The following MAP2 variants were observed in gnomAD, a reference collection of about 807,000 sequenced individuals.
MAP2 encodes microtubule-associated protein 2.
A neutral mutation model predicts 137.6 loss-of-function variants in MAP2; 14 were observed. That is an observed-to-expected ratio of 0.10 (90% confidence interval 0.07 to 0.16). MAP2 has a LOEUF of 0.16. MAP2 is among the 10% of genes least tolerant of loss of function. The probability of loss-of-function intolerance (pLI) is 1.00; values close to 1 mark genes in which losing one functional copy is unlikely to be tolerated. For synonymous variants in MAP2, 786 were observed against 782.3 expected (o/e 1.00, Z -0.08); for missense variants, 2,088 against 2,191.5 (o/e 0.95, Z 0.94).
intron 2 of MAP2, among the ~76,000 whole-genome samples, chr2:209,533,398 G>A (rs903882058): frequency 3.9e-5 from 6 of 152,174 alleles, no homozygotes; most frequent in Non-Finnish European, 8.8e-5. Context: ...GCCTGCCTTG[G>A]CCTCCCAAAA....
chr2:209,491,921 G>A (rs890622773), intron 1 of MAP2, among the ~76,000 whole-genome samples: 6 of 152,148 alleles, frequency 3.9e-5, no homozygotes, highest in African/African-American at 1.4e-4. Flanking sequence ...TAAAAAAAGA[G>A]GGACTCCTCA....
intron 1 of MAP2, among the ~76,000 whole-genome samples, chr2:209,435,735 A>C (rs1695764708): frequency 6.6e-6 from 1 of 151,172 alleles, no homozygotes; most frequent in African/African-American, 2.4e-5. Context: ...AGAGTGGGAA[A>C]CTAAGGTACT....
chr2:209,571,869 C>A (rs2074449969), intron 2 of MAP2, among the ~76,000 whole-genome samples: 1 of 151,886 alleles, frequency 6.6e-6, no homozygotes, highest in Non-Finnish European at 1.5e-5. Flanking sequence ...AATAACCTGT[C>A]TTTCTTTCTC....
chr2:209,450,837 AT>A (rs1398769907), intron 1 of MAP2, among the ~76,000 whole-genome samples: 1 of 152,186 alleles, frequency 6.6e-6, no homozygotes, highest in East Asian at 1.9e-4. Flanking sequence ...GCTTATTAAA[AT>A]GGGCAGTATA....
At chr2:209,661,816 A>G (rs1419490454) in intron 5 of MAP2, 3 of 297,432 alleles carry the variant, frequency 1.0e-5, no homozygotes, top group East Asian at 1.7e-4. Context: ...GCTAGCTTAT[A>G]TGGATATTAT....
chr2:209,565,329 C>T (rs2073143356), intron 2 of MAP2, among the ~76,000 whole-genome samples: 1 of 151,904 alleles, frequency 6.6e-6, no homozygotes, highest in Non-Finnish European at 1.5e-5. Flanking sequence ...GCAATCCTTT[C>T]ACCTCAGCCT....
At chr2:209,723,336 A>G (rs568714228) in intron 13 of MAP2, among the ~76,000 whole-genome samples, 3 of 152,330 alleles carry the variant, frequency 2.0e-5, no homozygotes, top group East Asian at 3.9e-4. Context: ...TTTTCAATCC[A>G]TATAACTGTT....
chr2:209,709,021 C>G (rs1254101697), intron 12 of MAP2, among the ~76,000 whole-genome samples: 10 of 152,012 alleles, frequency 6.6e-5, no homozygotes, highest in Non-Finnish European at 1.0e-4. Context: ...AAATGTCATT[C>G]AAAGCACATT....
chr2:209,638,504 C>T lies in MAP2; in HGVS notation c.-30+13375C>T, dbSNP rs76728482. ...AAAAAAAGAAAGAAGAGAAATGACT[C>T]TGCTTTATATGACTCATACGTTACT... On this transcript the variant is annotated intron_variant, in intron 4 of 15. Coordinates refer to ENST00000682079, the MANE Select transcript of MAP2 (RefSeq NM_001375505.1). Among the ~76,000 whole-genome samples, 190 of 152,226 alleles carry T rather than the reference C, an allele frequency of 1.2e-3. 2 individuals are homozygous for T. The East Asian group carries it at 0.028, about 23-fold the overall frequency.
In MAP2 at chr2:209,730,313, T is replaced by A. The variant is rs746171644; in HGVS notation, c.5400T>A (p.Ser1800=). The A allele has an allele frequency of 1.2e-5, 20 of 1,614,012 alleles. No individual in the cohort carries two copies. The change falls in exon 16 of 16, where the codon TCT becomes TCA. Residue 1800 remains serine, a synonymous_variant. Transcript: ENST00000682079. Reference sequence around the variant, plus strand: ...GACGACTCAGCAATGTCTCCTCGTCTGGAAGCATCAACCTGCTCGAATCTC... The same window carrying A: ...GACGACTCAGCAATGTCTCCTCGTCAGGAAGCATCAACCTGCTCGAATCTC... ...SPRRLSNVSS[S]GSINLLESPQ...
intron 2 of MAP2, among the ~76,000 whole-genome samples, chr2:209,520,053 A>T (rs1324963684): frequency 2.6e-5 from 4 of 152,070 alleles, no homozygotes; most frequent in African/African-American, 9.7e-5. Context: ...AAACTGCTCA[A>T]CTACTCATTC....
At chr2:209,679,409 A>ATAGG (rs1157461274) in intron 6 of MAP2, among the ~76,000 whole-genome samples, 2 of 151,938 alleles carry the variant, frequency 1.3e-5, no homozygotes, top group African/African-American at 2.4e-5. Context: ...AGGCAGATAG[A>ATAGG]TAGATAGAGA....
At chr2:209,528,045 T>C (rs1256992291) in intron 2 of MAP2, among the ~76,000 whole-genome samples, 1 of 152,218 alleles carries the variant, frequency 6.6e-6, no homozygotes, top group Non-Finnish European at 1.5e-5. Flanking sequence ...ATTATGGGCA[T>C]GGTAGGCATA....
intron 5 of MAP2, among the ~76,000 whole-genome samples, chr2:209,678,255 C>T (rs2052877066): frequency 1.3e-5 from 2 of 151,986 alleles, no homozygotes; most frequent in African/African-American, 4.8e-5. Flanking sequence ...CATTCTATAA[C>T]AGAGATGTCA....
intron 2 of MAP2, among the ~76,000 whole-genome samples, chr2:209,564,644 GGTGCTGGGGGGCAGTGCA>G (rs149785033): frequency 0.02 from 2,949 of 151,178 alleles, 95 homozygotes; most frequent in African/African-American, 0.068. Flanking sequence ...CCCCATAGAT[GGTGCTGGGGGGCAGTGCA>G]GGTTCTTATT....
chr2:209,556,984 A>T (rs1559316606), intron 2 of MAP2, among the ~76,000 whole-genome samples: 1 of 152,108 alleles, frequency 6.6e-6, no homozygotes, highest in African/African-American at 2.4e-5. Flanking sequence ...ATTATACATT[A>T]TTTGGGTGAA....
At chr2:209,701,423 T>C (rs953074879) in intron 11 of MAP2, among the ~76,000 whole-genome samples, 1 of 151,894 alleles carries the variant, frequency 6.6e-6, no homozygotes, top group East Asian at 1.9e-4. Flanking sequence ...GTATTTTCAC[T>C]CCTTTATGAT....
At chr2:209,621,341 C>G (rs755238223) in intron 3 of MAP2, among the ~76,000 whole-genome samples, 10 of 148,912 alleles carry the variant, frequency 6.7e-5, no homozygotes, top group Non-Finnish European at 1.3e-4. Flanking sequence ...TCACTGCAAC[C>G]TCCATCTCCC....
intron 13 of MAP2, among the ~76,000 whole-genome samples, chr2:209,722,984 T>C (rs2071896712): frequency 6.6e-6 from 1 of 152,224 alleles, no homozygotes; most frequent in Non-Finnish European, 1.5e-5. Flanking sequence ...AGGATGTCGC[T>C]GAACCACCTG....
Sources: gnomAD v4.1 joint callset for allele counts (sites outside exome capture counted in the v4.1 genomes callset) on GRCh38, gnomAD v4.1.1 for gene constraint, MANE v1.5 for transcripts, NCBI Gene and HGNC (gene_info 2026-07-23, HGNC 2026-07-21) for gene names.